SEZ6L: variants seen among roughly 807,000 people sequenced by gnomAD.
The protein encoded by SEZ6L is seizure 6-like protein.
Under a neutral mutation model 106.2 loss-of-function variants are expected in SEZ6L, and 37 were observed. The ratio of observed to expected loss-of-function variants is 0.35; its 90% CI spans 0.27 to 0.46. The LOEUF (loss-of-function observed/expected upper bound fraction) is 0.46. Among genes scored for constraint, SEZ6L ranks in the 20% least tolerant of loss-of-function variants. The pLI is 1.00. For missense variants in SEZ6L, 1,172 were observed against 1,332.8 expected (o/e 0.88, Z 1.88); for synonymous variants, 541 against 570.4 (o/e 0.95, Z 0.73).
At chr22:26,297,346 G>A (rs955600508) in intron 4 of SEZ6L, among the ~76,000 whole-genome samples, 8 of 152,108 alleles carry the variant, frequency 5.3e-5, no homozygotes, top group Non-Finnish European at 7.4e-5. Flanking sequence ...ATTAAACAAT[G>A]TCTTCTAGTA....
At chr22:26,287,602 G>A (rs1280998502) in intron 1 of SEZ6L, among the ~76,000 whole-genome samples, 1 of 152,148 alleles carries the variant, frequency 6.6e-6, no homozygotes, top group Non-Finnish European at 1.5e-5. Flanking sequence ...TCCCCATGAT[G>A]TAAGTCTTCT....
At chr22:26,197,866 A>T (rs1940677300) in intron 1 of SEZ6L, among the ~76,000 whole-genome samples, 1 of 152,138 alleles carries the variant, frequency 6.6e-6, no homozygotes, top group Non-Finnish European at 1.5e-5. Flanking sequence ...CCGCCATCCA[A>T]TAAAGGATGG....
chr22:26,304,601 A>C (rs917416062), intron 5 of SEZ6L, among the ~76,000 whole-genome samples: 7 of 152,180 alleles, frequency 4.6e-5, no homozygotes, highest in African/African-American at 1.7e-4. Context: ...ATTTTTCATT[A>C]GATTTTTATG....
intron 1 of SEZ6L, chr22:26,244,530 T>C (rs1023340158): frequency 1.3e-5 from 2 of 152,182 alleles, no homozygotes; most frequent in Non-Finnish European, 2.9e-5. Context: ...AAATAGTGTA[T>C]CTAGGAAGTC....
chr22:26,321,769 G>A (rs1340055348), intron 9 of SEZ6L, among the ~76,000 whole-genome samples: 1 of 152,060 alleles, frequency 6.6e-6, no homozygotes, highest in Non-Finnish European at 1.5e-5. Flanking sequence ...TTTTCACATC[G>A]ACGATGGGGA....
intron 1 of SEZ6L, among the ~76,000 whole-genome samples, chr22:26,248,479 C>T (rs1184612594): frequency 6.6e-6 from 1 of 152,168 alleles, no homozygotes; most frequent in African/African-American, 2.4e-5. Flanking sequence ...TTCAGCCTCC[C>T]AAGTACCTGG....
chr22:26,233,491 A>G (rs1013483360), intron 1 of SEZ6L, among the ~76,000 whole-genome samples: 45 of 152,326 alleles, frequency 3.0e-4, no homozygotes, highest in African/African-American at 1.1e-3. Flanking sequence ...GCCTCCTGGC[A>G]CCATCATGAG....
At position 26,292,973 on chromosome 22, in the gene SEZ6L, C is replaced by T. The variant is rs979371481; in HGVS notation, c.662C>T (p.Pro221Leu). 39 of 1,613,748 alleles carry T rather than the reference C, an allele frequency of 2.4e-5. No individual in the cohort carries two copies. Among genetic ancestry groups the T allele is most frequent in the Non-Finnish European group, 2.8e-5 (33 of 1,179,918 alleles). ...CACACACTCCCCCAGAGGCCAGAACCCGGGGAGCCTGGGCCTGACATGGCC... is the reference window on the plus strand; with the variant it reads ...CACACACTCCCCCAGAGGCCAGAACTCGGGGAGCCTGGGCCTGACATGGCC... ...VAHTLPQRPE[P>L]GEPGPDMAQE... Residue 221 changes from proline to leucine, a missense_variant, in exon 2 of 17, where the codon CCC (proline) becomes CTC (leucine). Transcript: ENST00000248933.
intron 1 of SEZ6L, among the ~76,000 whole-genome samples, chr22:26,195,362 G>T (rs779409243): frequency 6.6e-6 from 1 of 152,090 alleles, no homozygotes; most frequent in East Asian, 1.9e-4. Flanking sequence ...TTTCAGCCTC[G>T]CCACTGCCTA....
chr22:26,314,223 A>G (rs1433263789), intron 9 of SEZ6L, among the ~76,000 whole-genome samples: 1 of 152,194 alleles, frequency 6.6e-6, no homozygotes, highest in Non-Finnish European at 1.5e-5. Flanking sequence ...ATGTAAGGAG[A>G]GGTTAATGGT....
At position 26,381,926 on chromosome 22, in the gene SEZ6L, A is replaced by G. The variant is rs2084420863; in HGVS notation, c.*1631A>G. 1 of 481,298 alleles carries G rather than the reference A, an allele frequency of 2.1e-6. No homozygotes were observed. The allele number at this position is 481,298 out of a possible 1,614,324, so 29.8% of individuals were successfully genotyped here. A position where few individuals can be genotyped will look rare whatever the true frequency, so the allele number is the denominator to read the frequency against. On this transcript the variant is annotated 3_prime_UTR_variant, in exon 17 of 17. Transcript: ENST00000248933. ...AACAAGAAAAGACCTTTCTGGCCAT[A>G]GGGAGAATAGCAGGGAGTCTATGTT...
At chr22:26,335,144 A>T (rs192247316) in intron 9 of SEZ6L, among the ~76,000 whole-genome samples, 1 of 152,310 alleles carries the variant, frequency 6.6e-6, no homozygotes, top group Admixed American at 6.5e-5. Context: ...GTGAAAATGT[A>T]AGCTCCTCTT....
At chr22:26,306,558 G>A (rs2081638122) in intron 6 of SEZ6L, among the ~76,000 whole-genome samples, 1 of 152,016 alleles carries the variant, frequency 6.6e-6, no homozygotes. Flanking sequence ...AAATTGAGAT[G>A]GAAAAACTAG....
intron 1 of SEZ6L, among the ~76,000 whole-genome samples, chr22:26,281,814 G>A (rs1242229833): frequency 6.6e-6 from 1 of 152,018 alleles, no homozygotes; most frequent in African/African-American, 2.4e-5. Context: ...CACCCCTCTG[G>A]TAAACACCAT....
At chr22:26,352,248 A>G (rs2083306311) in intron 12 of SEZ6L, among the ~76,000 whole-genome samples, 1 of 152,144 alleles carries the variant, frequency 6.6e-6, no homozygotes, top group African/African-American at 2.4e-5. Flanking sequence ...TAAGGAAAGC[A>G]TGAAGTTACA....
chr22:26,318,300 T>C (rs556226859), intron 9 of SEZ6L, among the ~76,000 whole-genome samples: 215 of 152,054 alleles, frequency 1.4e-3, no homozygotes, highest in African/African-American at 4.6e-3. Flanking sequence ...TCTCAAACTC[T>C]TGACCTCAAG....
chr22:26,373,150 T>C (rs1671170113), intron 13 of SEZ6L, among the ~76,000 whole-genome samples: 1 of 152,218 alleles, frequency 6.6e-6, no homozygotes, highest in Admixed American at 6.5e-5. Context: ...TTATGAGGAT[T>C]AACTGAGCAA....
At chr22:26,378,829 G>C (rs141443011) in intron 16 of SEZ6L, among the ~76,000 whole-genome samples, 480 of 152,280 alleles carry the variant, frequency 3.2e-3, no homozygotes, top group Admixed American at 7.3e-3. Flanking sequence ...GAATAAACCT[G>C]ACTTGTTTCT....
chr22:26,199,627 AAACT>A (rs1234681463), intron 1 of SEZ6L, among the ~76,000 whole-genome samples: 1 of 152,226 alleles, frequency 6.6e-6, no homozygotes, highest in Non-Finnish European at 1.5e-5. Context: ...TTATGCAGCA[AAACT>A]TAAGCAAAGA....
Sources: gnomAD v4.1 joint callset for allele counts (sites outside exome capture counted in the v4.1 genomes callset) on GRCh38, gnomAD v4.1.1 for gene constraint, MANE v1.5 for transcripts, NCBI Gene and HGNC (gene_info 2026-07-23, HGNC 2026-07-21) for gene names.